Variants in ASRGL1 observed in about 807,000 individuals in gnomAD.
ASRGL1 encodes asparaginase and isoaspartyl peptidase 1.
In ASRGL1, 16 loss-of-function variants were observed where a neutral mutation model predicts 22.4. The ratio of observed to expected loss-of-function variants is 0.71; its 90% confidence interval spans 0.48 to 1.08. ASRGL1 has a LOEUF of 1.08. Ranked by LOEUF, ASRGL1 falls within the 50% of genes least tolerant of loss-of-function variation. The probability of loss-of-function intolerance (pLI) is 0.00; values close to 1 mark genes in which losing one functional copy is unlikely to be tolerated. For missense variants in ASRGL1, 412 were observed against 410.1 expected, an observed-to-expected ratio of 1.00 and a Z score of -0.04; for synonymous variants, 165 against 159.3, an observed-to-expected ratio of 1.04 and a Z score of -0.27.
intron 2 of ASRGL1, among the ~76,000 whole-genome samples, chr11:62,344,597 G>GT (rs61330460): frequency 0.05 from 7,077 of 140,834 alleles, 507 homozygotes; most frequent in African/African-American, 0.16. Flanking sequence ...TCCATTTTTG[G>GT]TTTTTTTTTT....
At chr11:62,384,929 AAG>A (rs1197227686) in intron 4 of ASRGL1, among the ~76,000 whole-genome samples, 2 of 142,234 alleles carry the variant, frequency 1.4e-5, no homozygotes, top group African/African-American at 2.6e-5. Flanking sequence ...AAAAAAAAAA[AAG>A]TTCACCTTAT....
At chr11:62,376,712 C>T (rs1028309672) in intron 4 of ASRGL1, among the ~76,000 whole-genome samples, 6 of 152,088 alleles carry the variant, frequency 3.9e-5, no homozygotes, top group Non-Finnish European at 7.3e-5. Flanking sequence ...TCAACTATGG[C>T]CTGTCCTTGG....
chr11:62,339,267 C>T (rs1003263219), intron 2 of ASRGL1, among the ~76,000 whole-genome samples: 2 of 152,086 alleles, frequency 1.3e-5, no homozygotes, highest in African/African-American at 4.8e-5. Flanking sequence ...ACTAGAGTCC[C>T]GCTGGAATTT....
intron 2 of ASRGL1, among the ~76,000 whole-genome samples, chr11:62,345,790 T>C (rs572221095): frequency 1.2e-4 from 19 of 152,326 alleles, no homozygotes; most frequent in Admixed American, 1.1e-3. Flanking sequence ...ACCAGTTTCA[T>C]GGAAGACAGT....
rs555230135 is a variant in ASRGL1, at chr11:62,338,497, A to G, written c.190+330A>G. ...TGGTTCCATCTGGAGAGGTGAGACTACTGGGGGAGGGGGAGTGGTTTCCAG... is the reference window on the plus strand; with the variant it reads ...TGGTTCCATCTGGAGAGGTGAGACTGCTGGGGGAGGGGGAGTGGTTTCCAG... On this transcript the variant is annotated intron_variant, in intron 2 of 6. Transcript: ENST00000415229. 3.3e-5 allele frequency among the ~76,000 whole-genome samples: 5 copies of G among 152,310 alleles called. No individual in the cohort carries two copies. The East Asian group carries it at 9.6e-4, about 29-fold the overall frequency.
rs111793214 is a variant in ASRGL1 at position 62,374,082 on chromosome 11, C to T, written c.492-15051C>T. 4.4e-3 allele frequency among the ~76,000 whole-genome samples: 668 copies of T among 152,332 alleles called. 4 individuals are homozygous for T. The highest frequency in any genetic ancestry group is 0.015 in the African/African-American group (619 of 41,572). ...CTGTACCAGCCTCGATCGCCTTGTA[C>T]TTTGGTCTCCTTTTCTCCCCTGCCT... On this transcript the variant is annotated intron_variant, in intron 4 of 6. Coordinates refer to ENST00000415229, the MANE Select transcript of ASRGL1 (RefSeq NM_001083926.2).
At chr11:62,389,403 G>A in intron 5 of ASRGL1, 152 bp downstream of exon 5, 1 of 801,018 alleles carries the variant, frequency 1.2e-6, no homozygotes. Context: ...AATGGGGTTG[G>A]AAGGGGTTGT....
chr11:62,343,730 C>CAAAA lies in ASRGL1; in HGVS notation c.190+5581_190+5584dup, dbSNP rs71053038. ...GCAACAAAGCAAGACTCCAGCTCCA[C>CAAAA]AAAAAAAAAAAAAAAAAAAAAGTTC... On this transcript the variant is annotated intron_variant, in intron 2 of 6. Coordinates refer to ENST00000415229, the MANE Select transcript of ASRGL1 (RefSeq NM_001083926.2). 2.6e-4 allele frequency among the ~76,000 whole-genome samples: 18 copies of CAAAA among 68,778 alleles called. 1 individual carries two copies. Among genetic ancestry groups the CAAAA allele is most frequent in the Admixed American group, 5.9e-4 (3 of 5,110 alleles). 45.1% of individuals were successfully genotyped at this position (68,778 alleles called of 152,430 possible).
At chr11:62,367,084 A>G (rs1281415271) in intron 4 of ASRGL1, among the ~76,000 whole-genome samples, 3 of 151,824 alleles carry the variant, frequency 2.0e-5, no homozygotes, top group Non-Finnish European at 4.4e-5. Flanking sequence ...CATGCCTGTA[A>G]TCCCAACTAC....
At chr11:62,389,075 G>C in intron 4 of ASRGL1, 58 bp from the exon 5 acceptor site, 2 of 1,433,806 alleles carry the variant, frequency 1.4e-6, no homozygotes, top group South Asian at 2.4e-5. Flanking sequence ...TACATTGTTG[G>C]TTATGGTGTT....
downstream of ASRGL1, among the ~76,000 whole-genome samples, chr11:62,395,835 G>A (rs1023854358): frequency 1.1e-4 from 14 of 129,506 alleles, no homozygotes; most frequent in Non-Finnish European, 1.7e-4. Flanking sequence ...GCAGTGGCAC[G>A]ATCTCAGCTC....
chr11:62,385,728 G>T (rs986543550), intron 4 of ASRGL1, among the ~76,000 whole-genome samples: 1 of 152,092 alleles, frequency 6.6e-6, no homozygotes, highest in African/African-American at 2.4e-5. Context: ...GTCGGGCATG[G>T]TGGTGCATGC....
intron 4 of ASRGL1, among the ~76,000 whole-genome samples, chr11:62,370,293 T>A (rs1323055412): frequency 4.6e-5 from 7 of 152,212 alleles, no homozygotes; most frequent in Non-Finnish European, 7.3e-5. Context: ...TTTCGCAGGT[T>A]ATAGTTTGGG....
At chr11:62,354,831 G>A (rs909691329) in intron 2 of ASRGL1, among the ~76,000 whole-genome samples, 1 of 152,174 alleles carries the variant, frequency 6.6e-6, no homozygotes, top group African/African-American at 2.4e-5. Flanking sequence ...CCTTATTTCA[G>A]TAAAATATAG....
chr11:62,351,548 G>A, intron 2 of ASRGL1, among the ~76,000 whole-genome samples: 1 of 152,066 alleles, frequency 6.6e-6, no homozygotes, highest in East Asian at 1.9e-4. Flanking sequence ...TGCTCAGGAA[G>A]CTGAGGCAGG....
intron 2 of ASRGL1, among the ~76,000 whole-genome samples, chr11:62,352,882 G>T (rs1946200184): frequency 6.6e-6 from 1 of 152,046 alleles, no homozygotes; most frequent in Admixed American, 6.5e-5. Flanking sequence ...GCGGTGGTTT[G>T]GTTATGATGT....
chr11:62,362,550 A>AT (rs1414993607), intron 4 of ASRGL1, among the ~76,000 whole-genome samples: 1 of 15,328 alleles, frequency 6.5e-5, no homozygotes, highest in Non-Finnish European at 1.3e-4. Context: ...TAAAATATAT[A>AT]ACATATATTA....
At chr11:62,364,921 T>G (rs1331349622) in intron 4 of ASRGL1, among the ~76,000 whole-genome samples, 1 of 151,344 alleles carries the variant, frequency 6.6e-6, no homozygotes, top group East Asian at 2.0e-4. Flanking sequence ...ATATAAAAAT[T>G]AGCTGGGCGT....
chr11:62,354,237 A>G (rs887780843), intron 2 of ASRGL1, among the ~76,000 whole-genome samples: 5 of 152,224 alleles, frequency 3.3e-5, no homozygotes, highest in African/African-American at 1.2e-4. Context: ...AAATATAGAG[A>G]AAGGGTGCTA....
Sources: allele counts gnomAD v4.1 joint callset (sites outside exome capture counted in the v4.1 genomes callset), GRCh38; gene constraint gnomAD v4.1.1; transcripts MANE v1.5; gene names NCBI Gene and HGNC (gene_info 2026-07-23, HGNC 2026-07-21).